Variants in MR1 observed in about 807,000 individuals in gnomAD.
The protein encoded by MR1 is major histocompatibility complex class I-related protein 1.
MR1 carries 44 observed loss-of-function variants against 37.8 expected under a neutral mutation model. The ratio of observed to expected loss-of-function variants is 1.16; its 90% CI spans 0.91 to 1.50. The LOEUF is 1.50. Among genes scored for constraint, MR1 ranks in the 40% most tolerant of loss-of-function variants. The pLI is 0.00. For missense variants in MR1, 386 were observed against 419.1 expected (o/e 0.92, Z 0.69); for synonymous variants, 153 against 155.8 (o/e 0.98, Z 0.13).
At chr1:181,048,941 A>G in intron 1 of MR1, 111 bp from the exon 2 acceptor site, 1 of 1,375,502 alleles carries the variant, frequency 7.3e-7, no homozygotes, top group East Asian at 2.3e-5. Context: ...TGGGGCGTGG[A>G]GGCCTGGGTA....
In MR1 at chr1:181,057,783, G is replaced by A. The variant is rs1163199336; in HGVS notation, c.*2518G>A. On this transcript the variant is annotated 3_prime_UTR_variant, in exon 6 of 6. Coordinates refer to ENST00000367580, the MANE Select transcript of MR1 (RefSeq NM_001385161.1). Reference sequence around the variant, plus strand: ...CCCAGCATTTTGGGAGGCCGAGGTGGGCAGATCACCTGAGGTCGGGAGTTC... The same window carrying A: ...CCCAGCATTTTGGGAGGCCGAGGTGAGCAGATCACCTGAGGTCGGGAGTTC... 6.6e-6 allele frequency: 1 copy of A among 152,198 alleles called. No individual in the cohort carries two copies. Among genetic ancestry groups the A allele is most frequent in the Non-Finnish European group, 1.5e-5 (1 of 68,044 alleles). 9.4% of individuals were successfully genotyped at this position (152,198 alleles called of 1,614,324 possible).
intron 1 of MR1, among the ~76,000 whole-genome samples, chr1:181,043,826 G>T (rs1274679013): frequency 3.3e-5 from 5 of 152,064 alleles, no homozygotes; most frequent in Non-Finnish European, 4.4e-5. Flanking sequence ...CCTTGGGGTG[G>T]TCAGTTCTGA....
At chr1:181,044,672 G>A (rs1246555797) in intron 1 of MR1, among the ~76,000 whole-genome samples, 1 of 152,212 alleles carries the variant, frequency 6.6e-6, no homozygotes, top group African/African-American at 2.4e-5. Context: ...GAGCTGCTGA[G>A]GTTTACACAA....
intron 1 of MR1, among the ~76,000 whole-genome samples, chr1:181,044,185 G>A (rs1041328281): frequency 6.6e-6 from 1 of 152,002 alleles, no homozygotes; most frequent in Admixed American, 6.6e-5. Flanking sequence ...GGTTGGTCTC[G>A]ATCTCCTGAC....
chr1:181,046,645 G>A lies in MR1; in HGVS notation c.68-2407G>A, dbSNP rs545337929. 9.2e-5 allele frequency among the ~76,000 whole-genome samples: 14 copies of A among 152,112 alleles called. No individual in the cohort carries two copies. In the South Asian group the frequency reaches 2.7e-3, roughly 29 times the overall value. Reference sequence around the variant, plus strand: ...ATAAGAGAATAAAAGCAGGCTGCCCGAGCCAGCAGTGGCAACCGTCTCGGG... The same window carrying A: ...ATAAGAGAATAAAAGCAGGCTGCCCAAGCCAGCAGTGGCAACCGTCTCGGG... On this transcript the variant is annotated intron_variant, in intron 1 of 5. Coordinates refer to ENST00000367580, the MANE Select transcript of MR1 (RefSeq NM_001385161.1).
At position 181,052,290 on chromosome 1, in the gene MR1, C is replaced by T; in HGVS notation, c.660C>T (p.Leu220=). The part of the protein sequence containing the change: ...RKETFPGVTA[L]FCKAHGFYPP... Reference sequence around the variant, plus strand: ...AAACTTTTCCAGGGGTTACAGCTCTCTTCTGCAAAGCTCATGGCTTTTACC... The same window carrying T: ...AAACTTTTCCAGGGGTTACAGCTCTTTTCTGCAAAGCTCATGGCTTTTACC... The change falls in exon 4 of 6, where the codon CTC becomes CTT. Residue 220 remains leucine (L), a synonymous_variant. Coordinates refer to ENST00000367580, the MANE Select transcript of MR1 (RefSeq NM_001385161.1). 2 of 1,614,194 alleles carry T rather than the reference C, an allele frequency of 1.2e-6. No homozygotes were observed. The highest frequency in any genetic ancestry group is 2.2e-5 in the East Asian group (1 of 44,888).
At chr1:181,042,666 C>A (rs371846109) in intron 1 of MR1, among the ~76,000 whole-genome samples, 1 of 151,642 alleles carries the variant, frequency 6.6e-6, no homozygotes, top group African/African-American at 2.4e-5. Flanking sequence ...ATTAGCCAGG[C>A]GTGATGGTGG....
intron 2 of MR1, 47 bp from the exon 3 acceptor site, chr1:181,049,964 A>G: frequency 6.3e-7 from 1 of 1,583,254 alleles, no homozygotes; most frequent in Admixed American, 1.7e-5. Context: ...TTGAGAGCCC[A>G]CCTCTGTCTC....
chr1:181,049,140 G>C lies in MR1; in HGVS notation c.156G>C (p.Ser52=), dbSNP rs577193248. ...TTATTTCGGTTGGGTACGTGGACTCGCACCCTATCACCACATATGACAGTG... is the reference window on the plus strand; with the variant it reads ...TTATTTCGGTTGGGTACGTGGACTCCCACCCTATCACCACATATGACAGTG... ...PEFISVGYVD[S]HPITTYDSVT... Residue 52 remains serine, a synonymous_variant, in exon 2 of 6, where the codon TCG becomes TCC. Coordinates refer to ENST00000367580, the MANE Select transcript of MR1 (RefSeq NM_001385161.1). 1.9e-6 allele frequency: 3 copies of C among 1,614,150 alleles called. No homozygotes were observed. The East Asian group carries it at 6.7e-5, about 36-fold the overall frequency.
At chr1:181,050,971 C>A (rs1212272082) in intron 3 of MR1, 2 of 148,956 alleles carry the variant, frequency 1.3e-5, no homozygotes, top group Non-Finnish European at 3.0e-5. Context: ...CAGAGCAAGA[C>A]CCTATTTAAA....
Position 181,059,066 on chromosome 1 carries a change from G to A in MR1, c.*3801G>A, listed in dbSNP as rs770803300. The A allele has an allele frequency of 6.6e-6, 1 of 152,322 alleles. No individual in the cohort carries two copies. The highest frequency in any genetic ancestry group is 2.1e-4 in the South Asian group (1 of 4,828). 9.4% of individuals were successfully genotyped at this position (152,322 alleles called of 1,614,324 possible). A position where few individuals can be genotyped will look rare whatever the true frequency, so the allele number is the denominator to read the frequency against. ...GAATGTTCTCCAAGGAGGACAGGGG[G>A]CTTTGCCCATAGCCATGTGCTGTGG... On this transcript the variant is annotated 3_prime_UTR_variant, in exon 6 of 6. Coordinates refer to ENST00000367580, the MANE Select transcript of MR1 (RefSeq NM_001385161.1).
intron 2 of MR1, 95 bp downstream of exon 2, chr1:181,049,407 C>T: frequency 7.0e-7 from 1 of 1,427,228 alleles, no homozygotes; most frequent in Admixed American, 2.5e-5. Context: ...TGAATTGCAC[C>T]TGCTGTAGCT....
chr1:181,034,862 G>C (rs958027293), intron 1 of MR1, among the ~76,000 whole-genome samples: 7 of 152,152 alleles, frequency 4.6e-5, no homozygotes, highest in Non-Finnish European at 2.9e-5. Context: ...AAGGGCGAGG[G>C]GGGTGGATGA....
intron 1 of MR1, among the ~76,000 whole-genome samples, chr1:181,036,527 T>C (rs564940581): frequency 3.3e-5 from 5 of 152,130 alleles, no homozygotes; most frequent in Non-Finnish European, 7.3e-5. Context: ...ATACCAGTAA[T>C]AGATGGGGAA....
intron 1 of MR1, among the ~76,000 whole-genome samples, chr1:181,048,451 C>A (rs1405663860): frequency 6.6e-6 from 1 of 151,618 alleles, no homozygotes; most frequent in Non-Finnish European, 1.5e-5. Context: ...AGGACAATCA[C>A]TTGAACCCAG....
At position 181,055,211 on chromosome 1, in the gene MR1, C is replaced by G. The variant is rs1262608782; in HGVS notation, c.986-14C>G. 1 of 1,612,982 alleles carries G rather than the reference C, an allele frequency of 6.2e-7. No individual in the cohort carries two copies. The highest frequency in any genetic ancestry group is 1.3e-5 in the African/African-American group (1 of 74,852). On this transcript the variant is annotated splice_polypyrimidine_tract_variant and intron_variant, in intron 5 of 5. Transcript: ENST00000367580. The stretch of plus-strand genomic sequence containing the variant: ...ACATTCTTGTAATCTGACTAAAAAC[C>G]CCTTTCCTTTCAGAGCAAAATGGAG...
At chr1:181,043,662 G>A (rs115275128) in intron 1 of MR1, among the ~76,000 whole-genome samples, 4,360 of 152,186 alleles carry the variant, frequency 0.029, 90 homozygotes, top group Middle Eastern at 0.075. Flanking sequence ...TGATCATGCC[G>A]CTGCACTCCA....
At chr1:181,048,669 T>A (rs79969613) in intron 1 of MR1, among the ~76,000 whole-genome samples, 2,343 of 152,314 alleles carry the variant, frequency 0.015, 69 homozygotes, top group African/African-American at 0.054. Context: ...GGCTGCGTCA[T>A]CAGGGTTTTC....
At chr1:181,048,068 A>G (rs1658010532) in intron 1 of MR1, among the ~76,000 whole-genome samples, 1 of 149,784 alleles carries the variant, frequency 6.7e-6, no homozygotes, top group African/African-American at 2.5e-5. Flanking sequence ...ATACAAAAAA[A>G]TTAGCCAGGC....
Sources: gnomAD v4.1 joint callset for allele counts (sites outside exome capture counted in the v4.1 genomes callset) on GRCh38, gnomAD v4.1.1 for gene constraint, MANE v1.5 for transcripts, NCBI Gene and HGNC (gene_info 2026-07-23, HGNC 2026-07-21) for gene names.